Variants in ARHGAP36 observed in about 807,000 individuals in gnomAD.
The protein encoded by ARHGAP36 is Rho GTPase activating protein 36, also known as rho GTPase-activating protein 36.
Under a neutral mutation model 32.9 loss-of-function variants are expected in ARHGAP36, and 7 were observed. The ratio of observed to expected loss-of-function variants is 0.21; its 90% CI spans 0.12 to 0.40. The LOEUF (loss-of-function observed/expected upper bound fraction) is 0.40, where lower values mean the gene tolerates loss of function less well. ARHGAP36 is among the 10% of genes least tolerant of loss of function. The pLI, the probability that ARHGAP36 is intolerant of heterozygous loss-of-function variation, is 1.00. For missense variants in ARHGAP36, 383 were observed against 442.2 expected, an observed-to-expected ratio of 0.87 and a Z score of 1.20; for synonymous variants, 165 against 168.3, an observed-to-expected ratio of 0.98 and a Z score of 0.15.
chrX:131,070,546 G>A (rs1025110992), intron 1 of ARHGAP36, among the ~76,000 whole-genome samples: 5 of 111,490 alleles, frequency 4.5e-5, no homozygotes, highest in Non-Finnish European at 9.4e-5. Context: ...GGAGACTTGG[G>A]TTCCAATCCT....
rs763340310 is a variant in ARHGAP36 at position 131,084,379 on chromosome X, G to A, written c.720G>A (p.Glu240=). 1 of 1,207,943 alleles carries A rather than the reference G, an allele frequency of 8.3e-7. No individual in the cohort carries two copies. Among genetic ancestry groups the A allele is most frequent in the Non-Finnish European group, 1.1e-6 (1 of 894,135 alleles). The change falls in exon 5 of 12, where the codon GAG becomes GAA. Residue 240 remains glutamate, a synonymous_variant. Transcript: ENST00000276211. ...PIAKQIPQVV[E]ACCQFIEKHG... is the part of the protein sequence containing the mutation. ...CGAAACAAATCCCCCAGGTTGTTGA[G>A]GCTTGCTGCCAATTCATTGAAAAAC...
chrX:131,058,863 C>T (rs1284687039), intron 1 of ARHGAP36, among the ~76,000 whole-genome samples: 1 of 113,166 alleles, frequency 8.8e-6, no homozygotes, highest in East Asian at 2.8e-4. Flanking sequence ...CCTTGAAGTT[C>T]GTCCCCTTGT....
At chrX:131,067,804 C>T (rs1485310487) in intron 1 of ARHGAP36, among the ~76,000 whole-genome samples, 1 of 112,012 alleles carries the variant, frequency 8.9e-6, no homozygotes, top group East Asian at 2.8e-4. Flanking sequence ...GAACACACAT[C>T]TCAAGTAGAT....
intron 5 of ARHGAP36, 105 bp downstream of exon 5, chrX:131,084,512 A>G (rs1188128155): frequency 5.0e-5 from 57 of 1,133,243 alleles, no homozygotes; most frequent in Non-Finnish European, 6.7e-5. Flanking sequence ...GGCTTGGATA[A>G]CATTCCCCTG....
intron 2 of ARHGAP36, 66 bp downstream of exon 2, chrX:131,081,984 G>A: frequency 3.5e-6 from 4 of 1,156,422 alleles, no homozygotes; most frequent in Non-Finnish European, 4.7e-6. Context: ...GCAGGACGGG[G>A]CGGATTAGGG....
chrX:131,082,015 C>T, intron 2 of ARHGAP36, 97 bp downstream of exon 2: 1 of 1,024,810 alleles, frequency 9.8e-7, no homozygotes, highest in South Asian at 2.2e-5. Flanking sequence ...GTGGGAGGGG[C>T]TCACGCCTGA....
rs2079730224 is a variant in ARHGAP36, at chrX:131,070,932, C to A, written c.-142-10592C>A. 3.7e-5 allele frequency among the ~76,000 whole-genome samples: 4 copies of A among 109,512 alleles called. No homozygotes were observed. The Admixed American group carries it at 3.9e-4, about 11-fold the overall frequency. On this transcript the variant is annotated intron_variant, in intron 1 of 11. Transcript: ENST00000276211. ...ACCTGGGTGGGTTTTCTTTTCCTCT[C>A]CGGCGACACCCTCTCCCACCTCAAC...
chrX:131,066,669 C>G (rs931155449), intron 1 of ARHGAP36, among the ~76,000 whole-genome samples: 1 of 111,879 alleles, frequency 8.9e-6, no homozygotes, highest in East Asian at 2.8e-4. Flanking sequence ...TCAGGGGACT[C>G]TTAGTAAAGC....
chrX:131,077,210 A>G (rs975013239), intron 1 of ARHGAP36, among the ~76,000 whole-genome samples: 1 of 112,489 alleles, frequency 8.9e-6, no homozygotes, highest in African/African-American at 3.2e-5. Context: ...GTTGTGATAC[A>G]TTAATGGGGA....
chrX:131,078,899 C>T, intron 1 of ARHGAP36: 1 of 309,115 alleles, frequency 3.2e-6, no homozygotes, highest in Middle Eastern at 5.3e-4. Context: ...TCTAGGCTGA[C>T]TCATCTCTCA....
At position 131,058,435 on chromosome X, in the gene ARHGAP36, C is replaced by T; in HGVS notation, c.-152C>T. On this transcript the variant is annotated 5_prime_UTR_variant, in exon 1 of 12. Coordinates refer to ENST00000276211, the MANE Select transcript of ARHGAP36 (RefSeq NM_144967.4). ...TTTCGCCTCGGCCTTTGAGCCCCGC[C>T]CCCGCCGTGGTGAGTGGGGCCCACC... The T allele has an allele frequency of 9.3e-7, 1 of 1,078,375 alleles. No individual in the cohort carries two copies. The allele number at this position is 1,078,375 out of a possible 1,213,427, so 88.9% of individuals were successfully genotyped here. A position where few individuals can be genotyped will look rare whatever the true frequency, so the allele number is the denominator to read the frequency against.
chrX:131,076,442 C>T (rs1160616974), intron 1 of ARHGAP36, among the ~76,000 whole-genome samples: 1 of 111,988 alleles, frequency 8.9e-6, no homozygotes, highest in Non-Finnish European at 1.9e-5. Context: ...TAAAAATTGC[C>T]TTTCACCATC....
At chrX:131,085,441 C>T (rs1192021862) in intron 7 of ARHGAP36, 147 bp from the exon 8 acceptor site, 6 of 738,643 alleles carry the variant, frequency 8.1e-6, no homozygotes, top group Non-Finnish European at 1.1e-5. Context: ...TTCCTGAGCT[C>T]AAATGCTTTG....
chrX:131,081,708 T>A lies in ARHGAP36; in HGVS notation c.43T>A (p.Cys15Ser), dbSNP rs1420229411. The A allele has an allele frequency of 8.3e-7, 1 of 1,211,529 alleles. No homozygotes were observed. ...IPFLKAARAL[C>S]PRIMPPLLLL... Reference sequence around the variant, plus strand: ...TTTTCTGAAGGCAGCAAGGGCACTGTGCCCCAGAATCATGCCCCCTTTGCT... The same window carrying A: ...TTTTCTGAAGGCAGCAAGGGCACTGAGCCCCAGAATCATGCCCCCTTTGCT... Residue 15 changes from cysteine (C) to serine (S), a missense_variant, in exon 2 of 12, where the codon TGC (cysteine) becomes AGC (serine). Physicochemically the swap from Cys to Ser is moderately radical, Grantham distance 112. Around this residue, in one of 2 missense-constraint regions of ARHGAP36, gnomAD observed 156 missense variants for 131.0 expected, o/e 1.19. Coordinates refer to ENST00000276211, the MANE Select transcript of ARHGAP36 (RefSeq NM_144967.4).
In ARHGAP36 at chrX:131,077,936, A is replaced by G. The variant is rs759531413; in HGVS notation, c.-142-3588A>G. On this transcript the variant is annotated intron_variant, in intron 1 of 11. Transcript: ENST00000276211. Reference sequence around the variant, plus strand: ...CAGTTAGTTTTTCTAAATTTTATAAAATGTTTTTTTTAAATACTTGACTCT... The same window carrying G: ...CAGTTAGTTTTTCTAAATTTTATAAGATGTTTTTTTTAAATACTTGACTCT... Among the ~76,000 whole-genome samples the G allele has an allele frequency of 6.6e-3, 719 of 109,049 alleles. 6 individuals carry two copies. Among genetic ancestry groups the G allele is most frequent in the African/African-American group, 0.023 (687 of 29,542 alleles). 94.7% of individuals were successfully genotyped at this position (109,049 alleles called of 115,157 possible).
At chrX:131,059,823 G>A (rs951944275) in intron 1 of ARHGAP36, among the ~76,000 whole-genome samples, 2 of 111,431 alleles carry the variant, frequency 1.8e-5, no homozygotes, top group African/African-American at 6.5e-5. Context: ...AAAAGGGGGT[G>A]GGGGAAACAT....
intron 1 of ARHGAP36, among the ~76,000 whole-genome samples, chrX:131,062,459 T>C (rs1483444275): frequency 9.0e-6 from 1 of 111,417 alleles, no homozygotes; most frequent in Non-Finnish European, 1.9e-5. Context: ...TTAAATGTAA[T>C]GACTAGATCC....
In ARHGAP36 at chrX:131,088,732, C is replaced by T. The variant is rs2079850122; in HGVS notation, c.1591C>T (p.Arg531Cys). The T allele has an allele frequency of 6.6e-6, 8 of 1,211,010 alleles. No individual in the cohort carries two copies. Among genetic ancestry groups the T allele is most frequent in the East Asian group, 3.0e-5 (1 of 33,818 alleles). The change falls in exon 12 of 12, where the codon CGT (arginine) becomes TGT (cysteine). Residue 531 changes from arginine to cysteine, a missense_variant. Around this residue, in one of 2 missense-constraint regions of ARHGAP36, gnomAD observed 227 missense variants for 311.3 expected, o/e 0.73. Transcript: ENST00000276211. ...TCCGGAGCAAGACCGCCCATTGCTC[C>T]GTGTGCCCCGGGAGAAGGAGGCCAA... ...PIPEQDRPLLRVPREKEAKTG... is the reference protein window; with the variant it reads ...PIPEQDRPLLCVPREKEAKTG...
rs1240930488 is a variant in ARHGAP36, at chrX:131,064,819, C to A, written c.-143+6375C>A. On this transcript the variant is annotated intron_variant, in intron 1 of 11. Coordinates refer to ENST00000276211, the MANE Select transcript of ARHGAP36 (RefSeq NM_144967.4). ...GGGGAAACCATGATCTCTCTCCCCA[C>A]AAAAATCCACATTTTGGTGCCCTGC... Among the ~76,000 whole-genome samples the A allele has an allele frequency of 1.4e-4, 16 of 111,663 alleles. No individual in the cohort carries two copies. The Admixed American group carries it at 1.5e-3, about 11-fold the overall frequency.
Sources: gnomAD v4.1 joint callset for allele counts (sites outside exome capture counted in the v4.1 genomes callset) on GRCh38, gnomAD v4.1.1 for gene constraint, gnomAD v4.1.1 regional missense constraint, MANE v1.5 for transcripts, NCBI Gene and HGNC (gene_info 2026-07-23, HGNC 2026-07-21) for gene names.